Variants in ELAC2 observed in about 807,000 individuals in gnomAD.
ELAC2 encodes the protein elaC ribonuclease Z 2, also known as zinc phosphodiesterase ELAC protein 2.
In ELAC2, 92 loss-of-function variants were observed where a neutral mutation model predicts 105.2. That is an observed-to-expected ratio of 0.87 (90% CI 0.74 to 1.04). The LOEUF is 1.04. ELAC2 is among the 50% of genes least tolerant of loss of function. The pLI, the probability that ELAC2 is intolerant of heterozygous loss-of-function variation, is 0.00. For missense variants in ELAC2, 1,099 were observed against 1,071.7 expected (o/e 1.03, Z -0.36); for synonymous variants, 468 against 409.1 (o/e 1.14, Z -1.74).
intron 21 of ELAC2, 114 bp from the exon 22 acceptor site, chr17:12,994,617 C>T (rs1053167590): frequency 1.9e-6 from 3 of 1,596,858 alleles, no homozygotes; most frequent in African/African-American, 2.7e-5. Flanking sequence ...CTGGGTCTGC[C>T]TACTAGGATG....
In ELAC2 at chr17:13,006,274, G is replaced by T. The variant is rs1455547095; in HGVS notation, c.739-295C>A. 8.2e-5 allele frequency: 33 copies of T among 401,032 alleles called. No homozygotes were observed. The Admixed American group carries it at 1.2e-3, about 15-fold the overall frequency. 24.8% of individuals were successfully genotyped at this position (401,032 alleles called of 1,614,324 possible). ...AATCCCAGCAACTCAGGAAGCTGAG[G>T]CAGGAGAATCGCTTGAACCCAGAGG... is the stretch of plus-strand genomic sequence containing the variant. On this transcript the variant is annotated intron_variant, in intron 8 of 23. Coordinates refer to ENST00000338034, the MANE Select transcript of ELAC2 (RefSeq NM_018127.7).
intron 6 of ELAC2, among the ~76,000 whole-genome samples, chr17:13,012,774 C>T (rs950285343): frequency 1.3e-5 from 2 of 152,100 alleles, no homozygotes; most frequent in African/African-American, 4.8e-5. Context: ...ATCATCTGGC[C>T]CTGATACTTC....
chr17:13,017,277 T>C (rs916076266), intron 1 of ELAC2, 156 bp from the exon 2 acceptor site: 17 of 806,230 alleles, frequency 2.1e-5, no homozygotes, highest in Non-Finnish European at 3.3e-5. Flanking sequence ...TGCTGGTGGG[T>C]TTTGAGCCCT....
At chr17:13,010,319 C>T (rs192905580) in intron 8 of ELAC2, among the ~76,000 whole-genome samples, 10 of 152,220 alleles carry the variant, frequency 6.6e-5, no homozygotes, top group Admixed American at 3.3e-4. Context: ...TACAGGCATG[C>T]GCCACCACAC....
chr17:13,000,483 G>GCCA (rs1214224261), intron 14 of ELAC2: 1 of 612,858 alleles, frequency 1.6e-6, no homozygotes, highest in Non-Finnish European at 3.0e-6. Context: ...CCAGTCAACG[G>GCCA]GGAACTACTG....
At chr17:13,009,116 T>C (rs989815472) in intron 8 of ELAC2, among the ~76,000 whole-genome samples, 1 of 152,220 alleles carries the variant, frequency 6.6e-6, no homozygotes, top group African/African-American at 2.4e-5. Flanking sequence ...GATTTTGCTA[T>C]CTAAAACTCA....
chr17:12,997,200 G>A (rs7215565), intron 16 of ELAC2, among the ~76,000 whole-genome samples: 40,663 of 152,094 alleles, frequency 0.27, 5,688 homozygotes, highest in Middle Eastern at 0.33. Context: ...GCCAGTTAAC[G>A]CAGACTCCCA....
rs1339220973 is a variant in ELAC2 at position 13,002,613 on chromosome 17, T to A, written c.1080-34A>T. The A allele has an allele frequency of 3.8e-6, 6 of 1,574,932 alleles. No individual in the cohort carries two copies. The East Asian group carries it at 1.4e-4, about 37-fold the overall frequency. On this transcript the variant is annotated intron_variant, in intron 12 of 23. Transcript: ENST00000338034. ...AAACAGACCCGGCATTTGCAGCGTC[T>A]GTTAGGAGGCAGCTCCCCCTGAGGA...
At chr17:13,016,767 AG>A in intron 3 of ELAC2, 94 bp downstream of exon 3, 4 of 1,146,346 alleles carry the variant, frequency 3.5e-6, no homozygotes, top group East Asian at 2.5e-5. Context: ...AAAAAAAAAA[AG>A]TAGCTGCCCA....
At position 13,002,484 on chromosome 17, in the gene ELAC2, A is replaced by G. The variant is rs1307580245; in HGVS notation, c.1175T>C (p.Ile392Thr). Reference protein sequence around the residue: ...SHKIQTQLNLIHPDIFPLLTS... With the variant: ...SHKIQTQLNLTHPDIFPLLTS... The stretch of plus-strand genomic sequence containing the variant: ...GAGCAGGGGGAAGATGTCCGGGTGG[A>G]TGAGGTTGAGCTGGGTTTGAATCTT... Residue 392 changes from isoleucine to threonine, a missense_variant, in exon 13 of 24, where the codon ATC becomes ACC. Transcript: ENST00000338034. The G allele has an allele frequency of 6.2e-7, 1 of 1,608,592 alleles. No homozygotes were observed. Among genetic ancestry groups the G allele is most frequent in the Non-Finnish European group, 8.5e-7 (1 of 1,177,168 alleles).
intron 8 of ELAC2, among the ~76,000 whole-genome samples, chr17:13,009,785 G>A (rs2041310481): frequency 6.6e-6 from 1 of 152,134 alleles, no homozygotes; most frequent in Admixed American, 6.5e-5. Context: ...GAGGTCAGGA[G>A]TGAAACCAGC....
At chr17:13,010,948 C>CTA (rs1240503076) in intron 7 of ELAC2, among the ~76,000 whole-genome samples, 2 of 152,108 alleles carry the variant, frequency 1.3e-5, no homozygotes, top group East Asian at 3.8e-4. Flanking sequence ...TCACCTAGGA[C>CTA]TGGAGAAGAC....
chr17:13,017,417 G>A (rs2041803287), intron 1 of ELAC2: 1 of 642,556 alleles, frequency 1.6e-6, no homozygotes, highest in Non-Finnish European at 2.7e-6. Flanking sequence ...ACTGGCCTTG[G>A]GGTGCACGGA....
chr17:13,013,110 G>T, intron 6 of ELAC2, 97 bp downstream of exon 6: 1 of 1,348,426 alleles, frequency 7.4e-7, no homozygotes, highest in Non-Finnish European at 1.1e-6. Context: ...ACACAAAACA[G>T]GGTGCCCACA....
chr17:13,002,745 T>C, intron 12 of ELAC2, 166 bp from the exon 13 acceptor site: 1 of 1,114,654 alleles, frequency 9.0e-7, no homozygotes, highest in South Asian at 1.4e-5. Flanking sequence ...ACTCCTGCTG[T>C]CTCAAAGCCC....
intron 6 of ELAC2, 82 bp downstream of exon 6, chr17:13,013,125 G>T: frequency 6.7e-7 from 1 of 1,498,614 alleles, no homozygotes; most frequent in Non-Finnish European, 9.3e-7. Context: ...CCCACAGCAA[G>T]TGTTCAGTTT....
chr17:12,993,052 GAC>G lies in ELAC2; in HGVS notation c.2254-9_2254-8del, dbSNP rs2040269664. ...GAAAGTCTCCAAAGCAGACCTAGAA[GAC>G]ACAATAGAAGACAAGGACATGTCTC... is the stretch of plus-strand genomic sequence containing the variant. On this transcript the variant is annotated splice_region_variant and splice_polypyrimidine_tract_variant and intron_variant, in intron 23 of 23. Coordinates refer to ENST00000338034, the MANE Select transcript of ELAC2 (RefSeq NM_018127.7). The G allele has an allele frequency of 6.2e-7, 1 of 1,600,998 alleles. No homozygotes were observed. The highest frequency in any genetic ancestry group is 8.5e-7 in the Non-Finnish European group (1 of 1,179,516).
Position 13,003,493 on chromosome 17 carries a change from C to T in ELAC2, c.1065G>A (p.Gln355=). ...GGGCTCCATACCTCTCCATCCACTG[C>T]TGGTACCTGCTGTCCACAAGCACAG... ...PASVLVDSRY[Q]QWMERFGPDT... The change falls in exon 12 of 24, where the codon CAG becomes CAA. Residue 355 remains glutamine, a synonymous_variant. Transcript: ENST00000338034. The T allele has an allele frequency of 6.2e-7, 1 of 1,614,210 alleles. No individual in the cohort carries two copies.
chr17:13,003,525 G>C lies in ELAC2; in HGVS notation c.1033C>G (p.Pro345Ala). Residue 345 changes from proline (P) to alanine (A), a missense_variant, in exon 12 of 24, where the codon CCA becomes GCA. Coordinates refer to ENST00000338034, the MANE Select transcript of ELAC2 (RefSeq NM_018127.7). The stretch of plus-strand genomic sequence containing the variant: ...CTGCTGTCCACAAGCACAGATGCTG[G>C]GGCCATGTGAACCACCAAGGCCACG... The part of the protein sequence containing the change: ...APVALVVHMA[P>A]ASVLVDSRYQ... 2 of 1,614,168 alleles carry C rather than the reference G, an allele frequency of 1.2e-6. No homozygotes were observed. Among genetic ancestry groups the C allele is most frequent in the Admixed American group, 1.7e-5 (1 of 60,012 alleles).
Sources: gnomAD v4.1 joint callset for allele counts (sites outside exome capture counted in the v4.1 genomes callset) on GRCh38, gnomAD v4.1.1 for gene constraint, MANE v1.5 for transcripts, NCBI Gene and HGNC (gene_info 2026-07-23, HGNC 2026-07-21) for gene names.